The following GPR158 variants were observed in gnomAD, a reference collection of about 807,000 sequenced individuals.
GPR158 encodes G protein-coupled receptor 158.
Under a neutral mutation model 78.2 loss-of-function variants are expected in GPR158, and 30 were observed. The observed-to-expected ratio is 0.38, with a 90% CI of 0.29 to 0.52. The LOEUF (loss-of-function observed/expected upper bound fraction) is 0.52. Ranked by LOEUF, GPR158 falls within the 20% of genes least tolerant of loss-of-function variation. The pLI is 0.83. For synonymous variants in GPR158, 581 were observed against 591.1 expected, an observed-to-expected ratio of 0.98 and a Z score of 0.25; for missense variants, 1,463 against 1,523.5, an observed-to-expected ratio of 0.96 and a Z score of 0.66.
intron 2 of GPR158, among the ~76,000 whole-genome samples, chr10:25,390,710 GC>G (rs1319307891): frequency 6.6e-6 from 1 of 152,250 alleles, no homozygotes; most frequent in Non-Finnish European, 1.5e-5. Context: ...AAAATTTGCA[GC>G]CTGGCAATGC....
intron 2 of GPR158, among the ~76,000 whole-genome samples, chr10:25,247,714 A>C (rs1853717726): frequency 6.6e-6 from 1 of 151,762 alleles, no homozygotes; most frequent in Non-Finnish European, 1.5e-5. Flanking sequence ...CCAGTCTATT[A>C]TTGTTGGACA....
chr10:25,196,439 A>T (rs184156680), intron 1 of GPR158, among the ~76,000 whole-genome samples: 7 of 152,232 alleles, frequency 4.6e-5, no homozygotes, highest in Admixed American at 6.5e-5. Context: ...TTGTTGTTCC[A>T]ACTTCAGTTG....
chr10:25,311,416 T>C (rs942874177), intron 2 of GPR158, among the ~76,000 whole-genome samples: 1 of 151,936 alleles, frequency 6.6e-6, no homozygotes, highest in African/African-American at 2.4e-5. Context: ...ATATTCTATT[T>C]TCTATTTTTT....
chr10:25,318,592 T>C (rs66972037), intron 2 of GPR158, among the ~76,000 whole-genome samples: 7,707 of 152,242 alleles, frequency 0.051, 226 homozygotes, highest in African/African-American at 0.079. Flanking sequence ...ATTTGTTCTG[T>C]ATAGAGCTAA....
intron 2 of GPR158, among the ~76,000 whole-genome samples, chr10:25,223,348 C>CACA (rs1853327694): frequency 6.6e-6 from 1 of 152,112 alleles, no homozygotes; most frequent in Non-Finnish European, 1.5e-5. Context: ...AAGAAAGAAT[C>CACA]TTTGTGTCGT....
intron 2 of GPR158, among the ~76,000 whole-genome samples, chr10:25,370,595 G>A (rs77739131): frequency 0.63 from 89,248 of 140,912 alleles, 29,206 homozygotes; most frequent in Non-Finnish European, 0.72. Flanking sequence ...CAAGTATGTG[G>A]TCAATTTTGG....
chr10:25,587,138 T>A (rs1041054102), intron 7 of GPR158, among the ~76,000 whole-genome samples: 1 of 152,150 alleles, frequency 6.6e-6, no homozygotes, highest in Non-Finnish European at 1.5e-5. Flanking sequence ...GCAATCATGA[T>A]GGGTGAGGGA....
At chr10:25,240,555 A>G (rs1029111594) in intron 2 of GPR158, among the ~76,000 whole-genome samples, 1 of 152,158 alleles carries the variant, frequency 6.6e-6, no homozygotes, top group Non-Finnish European at 1.5e-5. Flanking sequence ...CGCCTTTAAG[A>G]ATAGGAAGAA....
At chr10:25,233,975 T>C (rs1477755571) in intron 2 of GPR158, among the ~76,000 whole-genome samples, 1 of 152,248 alleles carries the variant, frequency 6.6e-6, no homozygotes, top group Admixed American at 6.5e-5. Context: ...AATATATTTG[T>C]TTTATTGATT....
chr10:25,244,324 G>A (rs1250887851), intron 2 of GPR158, among the ~76,000 whole-genome samples: 1 of 152,140 alleles, frequency 6.6e-6, no homozygotes, highest in Non-Finnish European at 1.5e-5. Flanking sequence ...ACCAGAGATA[G>A]CCTAAGGCAG....
intron 5 of GPR158, among the ~76,000 whole-genome samples, chr10:25,521,991 G>T (rs566728085): frequency 5.1e-4 from 78 of 152,260 alleles, no homozygotes; most frequent in Non-Finnish European, 1.0e-3. Flanking sequence ...CTTCTCTTTT[G>T]ACTGTCATAA....
At chr10:25,319,352 C>T (rs79582779) in intron 2 of GPR158, among the ~76,000 whole-genome samples, 5 of 152,106 alleles carry the variant, frequency 3.3e-5, no homozygotes, top group East Asian at 1.9e-4. Context: ...CTAGACTGAC[C>T]GTTCTGAGAG....
At chr10:25,238,039 A>T (rs1853549872) in intron 2 of GPR158, among the ~76,000 whole-genome samples, 1 of 150,738 alleles carries the variant, frequency 6.6e-6, no homozygotes, top group Non-Finnish European at 1.5e-5. Flanking sequence ...TTTTAAAAAA[A>T]TTCTTGTCTT....
At chr10:25,256,409 T>C (rs1255282605) in intron 2 of GPR158, among the ~76,000 whole-genome samples, 1 of 152,094 alleles carries the variant, frequency 6.6e-6, no homozygotes, top group Admixed American at 6.5e-5. Flanking sequence ...CTCAACACTT[T>C]GGGAGGCTGA....
chr10:25,186,577 A>G (rs968056464), intron 1 of GPR158, among the ~76,000 whole-genome samples: 10 of 152,220 alleles, frequency 6.6e-5, no homozygotes, highest in Admixed American at 2.0e-4. Flanking sequence ...AACTACCATC[A>G]GAGAATATTA....
Position 25,430,416 on chromosome 10 carries a change from C to T in GPR158, c.1335+17943C>T, listed in dbSNP as rs573241082. On this transcript the variant is annotated intron_variant, in intron 4 of 10. Coordinates refer to ENST00000376351, the MANE Select transcript of GPR158 (RefSeq NM_020752.3). ...GCTCATGGGTAGGAAGAATCAATATCGTGAAAATGGCCATACTTCCCAAGG... is the reference window on the plus strand; with the variant it reads ...GCTCATGGGTAGGAAGAATCAATATTGTGAAAATGGCCATACTTCCCAAGG... Among the ~76,000 whole-genome samples the T allele has an allele frequency of 8.3e-3, 1,243 of 150,606 alleles. 11 individuals are homozygous for T. The highest frequency in any genetic ancestry group is 0.028 in the African/African-American group (1,155 of 40,872).
intron 5 of GPR158, 70 bp downstream of exon 5, chr10:25,466,789 C>T (rs1198101433): frequency 3.8e-6 from 2 of 521,010 alleles, no homozygotes; most frequent in South Asian, 2.7e-5. Flanking sequence ...TTACTGTTTA[C>T]ACACACACAC....
At chr10:25,260,306 CA>C (rs990026814) in intron 2 of GPR158, among the ~76,000 whole-genome samples, 2 of 151,998 alleles carry the variant, frequency 1.3e-5, no homozygotes, top group Admixed American at 1.3e-4. Context: ...GCTAATTTTG[CA>C]TATATTATGA....
intron 5 of GPR158, among the ~76,000 whole-genome samples, chr10:25,477,797 T>G (rs1835609544): frequency 6.6e-6 from 1 of 152,200 alleles, no homozygotes; most frequent in Non-Finnish European, 1.5e-5. Context: ...AATATTAGAC[T>G]TTTAATCCCC....
Sources: allele counts gnomAD v4.1 joint callset (sites outside exome capture counted in the v4.1 genomes callset), GRCh38; gene constraint gnomAD v4.1.1; transcripts MANE v1.5; gene names NCBI Gene and HGNC (gene_info 2026-07-23, HGNC 2026-07-21).